LYRM1: variants seen among roughly 807,000 people sequenced by gnomAD.
The protein encoded by LYRM1 is LYR motif containing 1.
LYRM1 carries 14 observed loss-of-function variants against 14.9 expected under a neutral mutation model. That is an observed-to-expected ratio of 0.94 (90% CI 0.62 to 1.47). LYRM1 has a LOEUF of 1.47. Ranked by LOEUF, LYRM1 falls within the 40% of genes most tolerant of loss-of-function variation. The pLI, the probability that LYRM1 is intolerant of heterozygous loss-of-function variation, is 0.00. For missense variants in LYRM1, 153 were observed against 149.9 expected (o/e 1.02, Z -0.11); for synonymous variants, 43 against 56.2 (o/e 0.77, Z 1.05).
At chr16:20,919,435 G>A (rs767125629) in intron 2 of LYRM1, among the ~76,000 whole-genome samples, 4 of 152,172 alleles carry the variant, frequency 2.6e-5, no homozygotes, top group Non-Finnish European at 5.9e-5. Context: ...AGTAATCTGG[G>A]AATATCTGTG....
In LYRM1 at chr16:20,922,499, C is replaced by CT. The variant is rs1157891771; in HGVS notation, c.253-1492dup. On this transcript the variant is annotated intron_variant, in intron 3 of 3. Transcript: ENST00000567954. The stretch of plus-strand genomic sequence containing the variant: ...ACGCCTGAAAGGAGTTTTTTTGGTT[C>CT]TTTTTTTTTAGACGGAGTCTCGCAC... 4.0e-5 allele frequency among the ~76,000 whole-genome samples: 6 copies of CT among 150,716 alleles called. No homozygotes were observed. In the East Asian group the frequency reaches 9.8e-4, roughly 25 times the overall value.
intron 1 of LYRM1, among the ~76,000 whole-genome samples, chr16:20,905,421 A>G (rs1199500383): frequency 6.6e-6 from 1 of 152,194 alleles, no homozygotes; most frequent in Non-Finnish European, 1.5e-5. Flanking sequence ...ATTTTGTATT[A>G]TATCTGCTAT....
In LYRM1 at chr16:20,920,122, C is replaced by T. The variant is rs774172262; in HGVS notation, c.160C>T (p.Leu54Phe). 1.2e-6 allele frequency: 2 copies of T among 1,606,724 alleles called. No homozygotes were observed. Among genetic ancestry groups the T allele is most frequent in the Admixed American group, 1.7e-5 (1 of 59,822 alleles). ...ARTLFRKNKN[L>F]TDTDLIKQCI... ...CTCATTTCTTTCTCCCTTTTAATAG[C>T]TCACGGACACAGACCTAATTAAACA... The change falls in exon 3 of 4, where the codon CTC (leucine) becomes TTC (phenylalanine). Residue 54 changes from leucine (L) to phenylalanine (F), a missense_variant and splice_region_variant. Leu to Phe is a conservative substitution (Grantham distance 22, BLOSUM62 0). Transcript: ENST00000567954.
intron 3 of LYRM1, among the ~76,000 whole-genome samples, chr16:20,920,954 C>T (rs1030748452): frequency 1.8e-4 from 26 of 146,428 alleles, no homozygotes; most frequent in Non-Finnish European, 3.0e-4. Flanking sequence ...AAACTTAATA[C>T]ATTCAGAAAG....
intron 1 of LYRM1, among the ~76,000 whole-genome samples, chr16:20,906,992 T>A (rs1349640120): frequency 1.3e-5 from 2 of 152,136 alleles, no homozygotes; most frequent in African/African-American, 4.8e-5. Context: ...TCGCTGCCCA[T>A]TATGAGTCCC....
intron 1 of LYRM1, among the ~76,000 whole-genome samples, chr16:20,907,691 G>A (rs552698466): frequency 3.4e-4 from 51 of 152,040 alleles, no homozygotes; most frequent in Non-Finnish European, 6.5e-4. Context: ...CGATTCCCAC[G>A]TCACATCCTT....
In LYRM1 at chr16:20,924,786, T is replaced by G. The variant is rs1045935884; in HGVS notation, c.*670T>G. 6.6e-6 allele frequency: 1 copy of G among 152,220 alleles called. No individual in the cohort carries two copies. The highest frequency in any genetic ancestry group is 2.4e-5 in the African/African-American group (1 of 41,446). 9.4% of individuals were successfully genotyped at this position (152,220 alleles called of 1,614,324 possible). On this transcript the variant is annotated 3_prime_UTR_variant, in exon 4 of 4. Transcript: ENST00000567954. ...CTCATACTACATTCGTTACGAGTAT[T>G]TTACGTTAACATAATTGAAAAGTAC...
chr16:20,916,504 G>A (rs1037024352), intron 2 of LYRM1, among the ~76,000 whole-genome samples: 1 of 152,122 alleles, frequency 6.6e-6, no homozygotes, highest in East Asian at 1.9e-4. Flanking sequence ...ACCTCTGACT[G>A]TCTCTCTTCA....
chr16:20,908,547 G>A (rs945564023), intron 1 of LYRM1, among the ~76,000 whole-genome samples: 1 of 152,254 alleles, frequency 6.6e-6, no homozygotes, highest in South Asian at 2.1e-4. Context: ...TGTAAAATGG[G>A]GATAATGGTA....
At chr16:20,909,411 T>C (rs569231917) in intron 1 of LYRM1, among the ~76,000 whole-genome samples, 4 of 152,312 alleles carry the variant, frequency 2.6e-5, no homozygotes, top group Admixed American at 1.3e-4. Flanking sequence ...ATAAAGATTA[T>C]AGAAGGTTAA....
chr16:20,916,380 G>A (rs2082901462), intron 2 of LYRM1, among the ~76,000 whole-genome samples: 1 of 152,120 alleles, frequency 6.6e-6, no homozygotes, highest in Admixed American at 6.5e-5. Flanking sequence ...ATGGAAAAAG[G>A]CTTTCACACC....
intron 1 of LYRM1, among the ~76,000 whole-genome samples, chr16:20,915,000 G>A (rs572766223): frequency 4.6e-5 from 7 of 152,284 alleles, no homozygotes; most frequent in African/African-American, 1.4e-4. Flanking sequence ...TGGTTTTGCC[G>A]TGTTCATAAA....
upstream of LYRM1, chr16:20,900,769 G>T (rs2152521222): frequency 6.6e-6 from 1 of 152,450 alleles, no homozygotes; most frequent in East Asian, 1.9e-4. Context: ...GTCCGGCCTG[G>T]CCTACTGGAC....
intron 2 of LYRM1, 99 bp downstream of exon 2, chr16:20,915,813 A>C: frequency 1.5e-6 from 2 of 1,314,388 alleles, no homozygotes; most frequent in Non-Finnish European, 2.1e-6. Flanking sequence ...TGAGCCGCAC[A>C]GTCATGGTGG....
chr16:20,921,063 C>T (rs976286822), intron 3 of LYRM1, among the ~76,000 whole-genome samples: 3 of 151,654 alleles, frequency 2.0e-5, no homozygotes, highest in Non-Finnish European at 4.4e-5. Context: ...AAATTTAAAA[C>T]AATAATTTAA....
intron 2 of LYRM1, among the ~76,000 whole-genome samples, chr16:20,915,960 T>A (rs1275182895): frequency 6.6e-6 from 1 of 152,134 alleles, no homozygotes; most frequent in African/African-American, 2.4e-5. Flanking sequence ...GAAGACCCTA[T>A]GAGCCAGGTG....
At chr16:20,913,849 C>A in intron 1 of LYRM1, among the ~76,000 whole-genome samples, 1 of 151,856 alleles carries the variant, frequency 6.6e-6, no homozygotes, top group East Asian at 1.9e-4. Flanking sequence ...CGCTCTGTCA[C>A]CCAGGCTGGA....
intron 3 of LYRM1, chr16:20,921,761 T>C (rs2083203502): frequency 1.3e-5 from 2 of 151,778 alleles, no homozygotes; most frequent in African/African-American, 2.4e-5. Context: ...GGTGAACACT[T>C]TAACTGTTAA....
chr16:20,919,303 A>C (rs1292341155), intron 2 of LYRM1, among the ~76,000 whole-genome samples: 1 of 152,158 alleles, frequency 6.6e-6, no homozygotes, highest in African/African-American at 2.4e-5. Context: ...TGCAGAAACC[A>C]TGGGGTTACT....
Sources: gnomAD v4.1 joint callset for allele counts (sites outside exome capture counted in the v4.1 genomes callset) on GRCh38, gnomAD v4.1.1 for gene constraint, MANE v1.5 for transcripts, NCBI Gene and HGNC (gene_info 2026-07-23, HGNC 2026-07-21) for gene names.